Variants in IFI16 observed in about 807,000 individuals in gnomAD.
The protein encoded by IFI16 is interferon gamma inducible protein 16, also known as gamma-interferon-inducible protein 16.
In IFI16, 49 loss-of-function variants were observed where a neutral mutation model predicts 68.4. The observed-to-expected ratio is 0.72, with a 90% CI of 0.57 to 0.91. IFI16 has a LOEUF of 0.91. Among genes scored for constraint, IFI16 ranks in the 40% least tolerant of loss-of-function variants. The probability of loss-of-function intolerance (pLI) is 0.00; values close to 1 mark genes in which losing one functional copy is unlikely to be tolerated. For synonymous variants in IFI16, 307 were observed against 315.0 expected, an observed-to-expected ratio of 0.97 and a Z score of 0.27; for missense variants, 878 against 942.9, an observed-to-expected ratio of 0.93 and a Z score of 0.90.
At chr1:159,050,267 TTTTA>T (rs1332858377) in intron 9 of IFI16, among the ~76,000 whole-genome samples, 3 of 152,188 alleles carry the variant, frequency 2.0e-5, no homozygotes. Context: ...AATGATCATT[TTTTA>T]TTTGGCTTTA....
intron 9 of IFI16, among the ~76,000 whole-genome samples, chr1:159,051,110 CCT>C (rs146583799): frequency 2.2e-3 from 340 of 152,166 alleles, no homozygotes; most frequent in Non-Finnish European, 3.5e-3. Flanking sequence ...TCTTTAACCT[CCT>C]CTCTCCACAG....
At chr1:159,001,626 C>A (rs376557228), upstream of IFI16, among the ~76,000 whole-genome samples, 18 of 152,244 alleles carry the variant, frequency 1.2e-4, no homozygotes, top group East Asian at 3.1e-3. Flanking sequence ...ATTTGCATTT[C>A]CTGAGCATCT....
rs761050302 is a variant in IFI16, at chr1:159,015,973, A to G, written c.367A>G (p.Thr123Ala). The change falls in exon 3 of 12, where the codon ACT (threonine) becomes GCT (alanine). Residue 123 changes from threonine (T) to alanine (A), a missense_variant. Thr to Ala is a moderately conservative substitution (Grantham distance 58, BLOSUM62 0). Around this residue, in one of 4 missense-constraint regions of IFI16, gnomAD observed 443 missense variants for 421.8 expected, o/e 1.05. Transcript: ENST00000295809. ...STVKTEGAEA[T>A]PGAQKRKKST... is the part of the protein sequence containing the mutation. The stretch of plus-strand genomic sequence containing the variant: ...TGTCAAAACTGAAGGAGCAGAGGCA[A>G]CTCCTGGAGCTCAGGTAAGCTTCAG... 2.5e-5 allele frequency: 41 copies of G among 1,612,824 alleles called. No homozygotes were observed. The highest frequency in any genetic ancestry group is 1.6e-4 in the Middle Eastern group (1 of 6,082).
rs551583528 is a variant in IFI16 at position 159,046,217 on chromosome 1, C to G, written c.1497+753C>G. Among the ~76,000 whole-genome samples the G allele has an allele frequency of 5.3e-5, 8 of 151,160 alleles. 1 individual carries two copies. Among genetic ancestry groups the G allele is most frequent in the African/African-American group, 1.7e-4 (7 of 41,260 alleles). ...TAGTAAGAACAAATGTCTCTCAGAT[C>G]TTCTTTCATTACCCTCAGAGTAGCT... On this transcript the variant is annotated intron_variant, in intron 8 of 11. Coordinates refer to ENST00000295809, the MANE Select transcript of IFI16 (RefSeq NM_001376587.1).
rs759311497 is a variant in IFI16 at position 159,049,436 on chromosome 1, G to C, written c.1502G>C (p.Ser501Thr). Residue 501 changes from serine to threonine, a missense_variant, in exon 9 of 12, where the codon AGT becomes ACT. Ser to Thr is a moderately conservative substitution (Grantham distance 58, BLOSUM62 1). Around this residue, in one of 4 missense-constraint regions of IFI16, gnomAD observed 59 missense variants for 119.0 expected, o/e 0.50. Coordinates refer to ENST00000295809, the MANE Select transcript of IFI16 (RefSeq NM_001376587.1). ...CAAACATCTATTTTCCTTTAGAAAA[G>C]TGAAGACACAATCTCCAAAATGAAT... ...TPSSSFLTTK[S>T]EDTISKMNDF... The C allele has an allele frequency of 4.3e-6, 6 of 1,385,884 alleles. No homozygotes were observed. The East Asian group carries it at 1.2e-4, about 27-fold the overall frequency. 85.8% of individuals were successfully genotyped at this position (1,385,884 alleles called of 1,614,324 possible).
chr1:159,052,376 C>T (rs41264141), intron 10 of IFI16: 14,990 of 417,406 alleles, frequency 0.036, 358 homozygotes, highest in Non-Finnish European at 0.045. Context: ...CAGAGCCACC[C>T]TTGTCCAGGA....
At chr1:159,050,085 G>T (rs1314011298) in intron 9 of IFI16, among the ~76,000 whole-genome samples, 3 of 152,264 alleles carry the variant, frequency 2.0e-5, no homozygotes, top group South Asian at 2.1e-4. Context: ...ATACCTTTCA[G>T]TATGTATATA....
chr1:159,045,492 C>T (rs1406714519), intron 8 of IFI16, 28 bp downstream of exon 8: 2 of 1,606,660 alleles, frequency 1.2e-6, no homozygotes. Flanking sequence ...CCAATACATT[C>T]CCCTCACTAC....
intron 7 of IFI16, among the ~76,000 whole-genome samples, chr1:159,044,436 C>T (rs538214682): frequency 4.8e-4 from 73 of 152,186 alleles, no homozygotes; most frequent in African/African-American, 1.7e-3. Flanking sequence ...CAGTGGTGGT[C>T]AGAGACTGTT....
chr1:159,020,385 T>C lies in IFI16; in HGVS notation c.1017T>C (p.Asp339=), dbSNP rs377636508. Residue 339 remains aspartate, a synonymous_variant, in exon 6 of 12, where the codon GAT becomes GAC. Coordinates refer to ENST00000295809, the MANE Select transcript of IFI16 (RefSeq NM_001376587.1). Reference sequence around the variant, plus strand: ...CCACAATCTACGAAATTCAGGATGATAGAGGAAAAATGGATGTAGTGGGGA... The same window carrying C: ...CCACAATCTACGAAATTCAGGATGACAGAGGAAAAATGGATGTAGTGGGGA... ...QKTTIYEIQD[D]RGKMDVVGTG... The C allele has an allele frequency of 6.5e-5, 104 of 1,612,262 alleles. No homozygotes were observed. The highest frequency in any genetic ancestry group is 8.2e-5 in the Non-Finnish European group (97 of 1,179,160).
At position 159,045,437 on chromosome 1, in the gene IFI16, A is replaced by T. The variant is rs1262821569; in HGVS notation, c.1470A>T (p.Ser490=). The T allele has an allele frequency of 6.3e-7, 1 of 1,591,432 alleles. No homozygotes were observed. Among genetic ancestry groups the T allele is most frequent in the African/African-American group, 1.4e-5 (1 of 73,890 alleles). ...SHPHTPQMPP[S]TPSSSFLTTK... ...CCCACACTCCTCAGATGCCTCCATCAACACCAAGCAGCAGTTTCTTAACCA... is the reference window on the plus strand; with the variant it reads ...CCCACACTCCTCAGATGCCTCCATCTACACCAAGCAGCAGTTTCTTAACCA... The change falls in exon 8 of 12, where the codon TCA becomes TCT. Residue 490 remains serine (S), a synonymous_variant. Transcript: ENST00000295809.
chr1:159,029,504 T>C (rs1232213507), intron 6 of IFI16, among the ~76,000 whole-genome samples: 2 of 152,196 alleles, frequency 1.3e-5, no homozygotes, highest in Admixed American at 1.3e-4. Flanking sequence ...CGGGTGTTCT[T>C]TGAGCTTCTC....
chr1:159,040,974 C>A (rs973867300), intron 7 of IFI16, among the ~76,000 whole-genome samples: 2 of 152,152 alleles, frequency 1.3e-5, no homozygotes, highest in Non-Finnish European at 2.9e-5. Flanking sequence ...CAGTGTCAGG[C>A]TTGGGTTTGT....
upstream of IFI16, among the ~76,000 whole-genome samples, chr1:159,003,895 T>C (rs1242638291): frequency 6.6e-6 from 1 of 151,732 alleles, no homozygotes; most frequent in Admixed American, 6.6e-5. Flanking sequence ...CTCCTGACCT[T>C]GTGATCCGCC....
At position 159,020,314 on chromosome 1, in the gene IFI16, G is replaced by C; in HGVS notation, c.973-27G>C. ...TGGTTGTTATTAATTACATTCTCAGGAACAGAATATTAATTTTCTGTTACA... is the reference window on the plus strand; with the variant it reads ...TGGTTGTTATTAATTACATTCTCAGCAACAGAATATTAATTTTCTGTTACA... On this transcript the variant is annotated intron_variant, in intron 5 of 11. Transcript: ENST00000295809. The C allele has an allele frequency of 6.5e-7, 1 of 1,527,740 alleles. No individual in the cohort carries two copies. The highest frequency in any genetic ancestry group is 1.4e-5 in the African/African-American group (1 of 72,010). The allele number at this position is 1,527,740 out of a possible 1,614,324, so 94.6% of individuals were successfully genotyped here. A position where few individuals can be genotyped will look rare whatever the true frequency, so the allele number is the denominator to read the frequency against.
chr1:159,004,258 G>T (rs1378644060), upstream of IFI16, among the ~76,000 whole-genome samples: 1 of 151,898 alleles, frequency 6.6e-6, no homozygotes, highest in Non-Finnish European at 1.5e-5. Context: ...TAGATTGTTT[G>T]AGCTCTGGAG....
chr1:159,018,540 G>A lies in IFI16; in HGVS notation c.861G>A (p.Thr287=), dbSNP rs74535884. The A allele has an allele frequency of 4.7e-4, 765 of 1,613,836 alleles. 7 individuals carry two copies. In the East Asian group the frequency reaches 0.013, roughly 28 times the overall value. ...STVSEAGPNQ[T]FEVPNKIINR... is the part of the protein sequence containing the mutation. ...TATCTGAAGCTGGTCCTAACCAAAC[G>A]TTTGAGGTTCCAAATAAAATCATCA... Residue 287 remains threonine (T), a synonymous_variant, in exon 5 of 12, where the codon ACG becomes ACA. Coordinates refer to ENST00000295809, the MANE Select transcript of IFI16 (RefSeq NM_001376587.1).
At position 159,053,618 on chromosome 1, in the gene IFI16, C is replaced by T. The variant is rs755378054; in HGVS notation, c.2171C>T (p.Thr724Ile). 1 of 1,613,696 alleles carries T rather than the reference C, an allele frequency of 6.2e-7. No homozygotes were observed. Among genetic ancestry groups the T allele is most frequent in the Non-Finnish European group, 8.5e-7 (1 of 1,179,650 alleles). ...MEVVVHGRLTTINCEEGDKLK... is the reference protein window; with the variant it reads ...MEVVVHGRLTIINCEEGDKLK... ...GTGGTGGTGCATGGACGACTGACCA[C>T]AATCAACTGTGAGGAAGGAGATAAA... is the stretch of plus-strand genomic sequence containing the variant. The change falls in exon 11 of 12, where the codon ACA becomes ATA. Residue 724 changes from threonine (T) to isoleucine (I), a missense_variant. Physicochemically the swap from Thr to Ile is moderately conservative, Grantham distance 89. Coordinates refer to ENST00000295809, the MANE Select transcript of IFI16 (RefSeq NM_001376587.1).
At chr1:159,032,767 A>G (rs1633256) in intron 7 of IFI16, 76 bp downstream of exon 7, 908,764 of 1,158,682 alleles carry the variant, frequency 0.78, 363,739 homozygotes, top group Admixed American at 0.85. Context: ...TGAAAGAGCT[A>G]CTGCTGTAAT....
Sources: gnomAD v4.1 joint callset for allele counts (sites outside exome capture counted in the v4.1 genomes callset) on GRCh38, gnomAD v4.1.1 for gene constraint, gnomAD v4.1.1 regional missense constraint, MANE v1.5 for transcripts, NCBI Gene and HGNC (gene_info 2026-07-23, HGNC 2026-07-21) for gene names.